Variants in ADGRL2 observed in about 807,000 individuals in gnomAD.
ADGRL2 encodes the protein calcium-independent alpha-latrotoxin receptor 2.
A neutral mutation model predicts 157.4 loss-of-function variants in ADGRL2; 44 were observed. That is an observed-to-expected ratio of 0.28 (90% CI 0.22 to 0.36). The LOEUF (loss-of-function observed/expected upper bound fraction) is 0.36, where lower values mean the gene tolerates loss of function less well. Among genes scored for constraint, ADGRL2 ranks in the 10% least tolerant of loss-of-function variants. ADGRL2 has a pLI of 1.00. For missense variants in ADGRL2, 1,510 were observed against 1,768.9 expected (o/e 0.85, Z 2.63); for synonymous variants, 585 against 624.7 (o/e 0.94, Z 0.95).
intron 1 of ADGRL2, among the ~76,000 whole-genome samples, chr1:81,429,440 C>G (rs1570944015): frequency 6.6e-6 from 1 of 152,292 alleles, no homozygotes; most frequent in Non-Finnish European, 1.5e-5. Context: ...TATTCCTGAA[C>G]AGCCTGCCTA....
chr1:81,426,508 C>T (rs566291827), intron 1 of ADGRL2: 6 of 402,778 alleles, frequency 1.5e-5, no homozygotes, highest in East Asian at 1.4e-4. Context: ...CAGCTGTGAC[C>T]GTCACCGCCG....
intron 1 of ADGRL2, among the ~76,000 whole-genome samples, chr1:81,307,626 A>G (rs1354208481): frequency 6.6e-6 from 1 of 152,172 alleles, no homozygotes; most frequent in Non-Finnish European, 1.5e-5. Flanking sequence ...ATAAGATAGA[A>G]TTGAACATAA....
intron 1 of ADGRL2, among the ~76,000 whole-genome samples, chr1:81,348,429 A>C (rs1242980947): frequency 6.6e-6 from 1 of 152,280 alleles, no homozygotes; most frequent in South Asian, 2.1e-4. Flanking sequence ...CACTTCTCTG[A>C]CCAAAAAAGG....
At chr1:81,934,419 T>C (rs2095279390) in intron 3 of ADGRL2, among the ~76,000 whole-genome samples, 2 of 152,030 alleles carry the variant, frequency 1.3e-5, no homozygotes, top group Admixed American at 1.3e-4. Context: ...GTTATATTCA[T>C]TCATCCAATT....
At chr1:81,557,080 G>T in intron 2 of ADGRL2, 1 of 183,690 alleles carries the variant, frequency 5.4e-6, no homozygotes. Context: ...ACTTCACGAA[G>T]CAGCCCACTC....
At chr1:81,660,841 A>G (rs571361) in intron 3 of ADGRL2, among the ~76,000 whole-genome samples, 51,246 of 152,024 alleles carry the variant, frequency 0.34, 9,206 homozygotes, top group African/African-American at 0.45. Context: ...AACACTGTGC[A>G]ATTATATGAC....
intron 1 of ADGRL2, among the ~76,000 whole-genome samples, chr1:81,710,856 TATTA>T (rs2083904992): frequency 6.6e-6 from 1 of 151,776 alleles, no homozygotes; most frequent in African/African-American, 2.4e-5. Flanking sequence ...ACAAATAGTT[TATTA>T]AAGGTTAGTT....
chr1:81,668,536 G>GT (rs11461205), intron 3 of ADGRL2, among the ~76,000 whole-genome samples: 105,373 of 151,546 alleles, frequency 0.7, 37,006 homozygotes, highest in East Asian at 0.8. Context: ...CACTTGCTTG[G>GT]ATTTTGTTTT....
At chr1:81,522,920 C>T (rs1207027934) in intron 2 of ADGRL2, among the ~76,000 whole-genome samples, 1 of 152,104 alleles carries the variant, frequency 6.6e-6, no homozygotes, top group Non-Finnish European at 1.5e-5. Flanking sequence ...GTAGGAATTT[C>T]ATATCTGAAT....
At chr1:81,845,052 C>G (rs544840741) in intron 2 of ADGRL2, among the ~76,000 whole-genome samples, 7 of 152,078 alleles carry the variant, frequency 4.6e-5, no homozygotes, top group Non-Finnish European at 1.0e-4. Context: ...CACCTATACA[C>G]ATACTTCATA....
chr1:81,472,614 C>T (rs1003573817), intron 2 of ADGRL2, among the ~76,000 whole-genome samples: 7 of 150,714 alleles, frequency 4.6e-5, no homozygotes, highest in African/African-American at 9.8e-5. Context: ...CCAGCCTGGG[C>T]GACAGAGCAA....
intron 3 of ADGRL2, among the ~76,000 whole-genome samples, chr1:81,656,293 A>G (rs528235621): frequency 6.6e-6 from 1 of 152,316 alleles, no homozygotes; most frequent in South Asian, 2.1e-4. Flanking sequence ...CATCCTCTCC[A>G]TGTGAAAGAT....
chr1:81,642,783 CAAT>C (rs1295091489), intron 3 of ADGRL2, among the ~76,000 whole-genome samples: 4 of 152,038 alleles, frequency 2.6e-5, no homozygotes, highest in Non-Finnish European at 5.9e-5. Flanking sequence ...ATTCAAAAAT[CAAT>C]TAATATAATA....
chr1:81,377,405 C>A (rs1367088329), intron 1 of ADGRL2, among the ~76,000 whole-genome samples: 16 of 152,186 alleles, frequency 1.1e-4, no homozygotes, highest in Non-Finnish European at 1.5e-5. Flanking sequence ...CCCTCCTCAT[C>A]CTTTAGTTAT....
rs573781932 is a variant in ADGRL2, at chr1:81,850,428, A to G, written c.73+13371A>G. 2.6e-5 allele frequency among the ~76,000 whole-genome samples: 4 copies of G among 152,008 alleles called. No homozygotes were observed. In the East Asian group the frequency reaches 5.8e-4, roughly 22 times the overall value. On this transcript the variant is annotated intron_variant, in intron 2 of 23. Transcript: ENST00000686636. Reference sequence around the variant, plus strand: ...TTCATTATTTCCTTTAAGCTAGTCAATTCTATGACCTGTTTTTCACTAAGT... The same window carrying G: ...TTCATTATTTCCTTTAAGCTAGTCAGTTCTATGACCTGTTTTTCACTAAGT...
intron 1 of ADGRL2, among the ~76,000 whole-genome samples, chr1:81,388,002 G>A (rs925442038): frequency 6.6e-6 from 1 of 151,860 alleles, no homozygotes; most frequent in African/African-American, 2.4e-5. Context: ...TTTATGTCCT[G>A]TTAAATCTGT....
intron 2 of ADGRL2, among the ~76,000 whole-genome samples, chr1:81,768,460 C>A (rs1043095148): frequency 6.7e-6 from 1 of 148,850 alleles, no homozygotes; most frequent in Non-Finnish European, 1.5e-5. Context: ...ATCAGCATTT[C>A]CTGTTCTATG....
At chr1:81,710,857 A>AT (rs1402764592) in intron 1 of ADGRL2, among the ~76,000 whole-genome samples, 1 of 151,826 alleles carries the variant, frequency 6.6e-6, no homozygotes, top group Admixed American at 6.6e-5. Flanking sequence ...CAAATAGTTT[A>AT]TTAAAGGTTA....
intron 3 of ADGRL2, among the ~76,000 whole-genome samples, chr1:81,679,518 C>T (rs1259425006): frequency 6.6e-6 from 1 of 152,102 alleles, no homozygotes. Context: ...AATAATACCT[C>T]AAAGTGTTGA....
Sources: allele counts gnomAD v4.1 joint callset (sites outside exome capture counted in the v4.1 genomes callset), GRCh38; gene constraint gnomAD v4.1.1; transcripts MANE v1.5; gene names NCBI Gene and HGNC (gene_info 2026-07-23, HGNC 2026-07-21).